The following DAZL variants were observed in gnomAD, a reference collection of about 807,000 sequenced individuals.
DAZL encodes deleted in azoospermia-like.
Under a neutral mutation model 45.0 loss-of-function variants are expected in DAZL, and 4 were observed. That is an observed-to-expected ratio of 0.09 (90% CI 0.04 to 0.20). The LOEUF (loss-of-function observed/expected upper bound fraction) is 0.20. Ranked by LOEUF, DAZL falls within the 10% of genes least tolerant of loss-of-function variation. The pLI, the probability that DAZL is intolerant of heterozygous loss-of-function variation, is 1.00. For missense variants in DAZL, 326 were observed against 351.3 expected, an observed-to-expected ratio of 0.93 and a Z score of 0.58; for synonymous variants, 122 against 112.4, an observed-to-expected ratio of 1.09 and a Z score of -0.54.
intron 10 of DAZL, among the ~76,000 whole-genome samples, chr3:16,590,726 T>C (rs1694505419): frequency 6.6e-6 from 1 of 152,132 alleles, no homozygotes; most frequent in South Asian, 2.1e-4. Flanking sequence ...TGATGAACCT[T>C]GAAAATATTA....
intron 7 of DAZL, among the ~76,000 whole-genome samples, chr3:16,594,821 A>C (rs1461034418): frequency 1.3e-5 from 2 of 152,098 alleles, no homozygotes; most frequent in Non-Finnish European, 2.9e-5. Flanking sequence ...GAAATCTCAG[A>C]GATATTAGTT....
chr3:16,589,323 T>C (rs1395395595), intron 10 of DAZL, among the ~76,000 whole-genome samples: 1 of 152,194 alleles, frequency 6.6e-6, no homozygotes, highest in Non-Finnish European at 1.5e-5. Flanking sequence ...GAAATGGGAC[T>C]AAGCAAATGA....
intron 3 of DAZL, 39 bp downstream of exon 3, chr3:16,598,048 C>T (rs778082269): frequency 1.8e-5 from 26 of 1,451,702 alleles, no homozygotes; most frequent in Admixed American, 5.1e-5. Context: ...ATACTCTATA[C>T]GTGGCTAGAG....
chr3:16,597,078 G>GA, intron 4 of DAZL, 27 bp from the exon 5 acceptor site: 1 of 1,601,066 alleles, frequency 6.2e-7, no homozygotes, highest in Non-Finnish European at 8.5e-7. Flanking sequence ...AACAAAACTA[G>GA]AATCAATTTT....
In DAZL at chr3:16,598,197, C is replaced by A; in HGVS notation, c.151-19G>T. ...CATCCATCTATGGAAAAGAATTGAA[C>A]TTCAAGAGTAAAAATTCAGCATTCA... On this transcript the variant is annotated intron_variant, in intron 2 of 10. Coordinates refer to ENST00000399444, the MANE Select transcript of DAZL (RefSeq NM_001351.4). The A allele has an allele frequency of 6.4e-7, 1 of 1,563,414 alleles. No homozygotes were observed.
chr3:16,597,236 C>A (rs1392301551), intron 4 of DAZL, among the ~76,000 whole-genome samples, 185 bp from the exon 5 acceptor site: 1 of 152,106 alleles, frequency 6.6e-6, no homozygotes, highest in East Asian at 1.9e-4. Context: ...TGTCAAGAGG[C>A]ATCAAGTGAA....
intron 6 of DAZL, among the ~76,000 whole-genome samples, chr3:16,596,489 T>A (rs887128219): frequency 6.8e-6 from 1 of 147,286 alleles, no homozygotes; most frequent in African/African-American, 2.5e-5. Context: ...ACTAGTTATA[T>A]GGGGGGAAAA....
chr3:16,595,228 G>C, intron 7 of DAZL, 86 bp downstream of exon 7: 2 of 769,828 alleles, frequency 2.6e-6, no homozygotes, highest in East Asian at 5.3e-5. Flanking sequence ...AGTTTAAAAT[G>C]ACAAACCATT....
intron 10 of DAZL, among the ~76,000 whole-genome samples, chr3:16,590,230 A>G (rs1694496686): frequency 3.3e-5 from 5 of 152,256 alleles, no homozygotes. Flanking sequence ...GAATGAAGCA[A>G]CAAGAGAACA....
intron 10 of DAZL, among the ~76,000 whole-genome samples, chr3:16,590,105 C>T (rs1382770594): frequency 3.9e-5 from 6 of 152,214 alleles, no homozygotes; most frequent in African/African-American, 1.4e-4. Flanking sequence ...CTATCTTCTG[C>T]TTTGAAAATC....
chr3:16,588,687 T>A lies in DAZL; in HGVS notation c.861A>T (p.Arg287Ser). ...AAACAGATTTAAGCATTGCCCGACT[T>A]CTTCTAAAGTGATGCACTCTTTTAT... ...FKDKRVHHFRRSRAMLKSV is the reference protein window; with the variant it reads ...FKDKRVHHFRSSRAMLKSV The change falls in exon 11 of 11, where the codon AGA becomes AGT. Residue 287 changes from arginine to serine, a missense_variant. By Grantham distance (110) the Arg-to-Ser change is moderately radical. Coordinates refer to ENST00000399444, the MANE Select transcript of DAZL (RefSeq NM_001351.4). 6.2e-7 allele frequency: 1 copy of A among 1,611,868 alleles called. No homozygotes were observed. Among genetic ancestry groups the A allele is most frequent in the Non-Finnish European group, 8.5e-7 (1 of 1,178,308 alleles).
At chr3:16,593,592 A>G in intron 9 of DAZL, 63 bp downstream of exon 9, 1 of 1,084,406 alleles carries the variant, frequency 9.2e-7, no homozygotes, top group Non-Finnish European at 1.3e-6. Flanking sequence ...GCTTCTCAAA[A>G]AACCATTATT....
intron 1 of DAZL, chr3:16,604,598 A>G: frequency 7.2e-7 from 1 of 1,389,812 alleles, no homozygotes; most frequent in Non-Finnish European, 9.3e-7. Context: ...GACGCCCCAC[A>G]CCCCACGCTG....
Position 16,598,557 on chromosome 3 carries a change from T to C in DAZL, c.45A>G (p.Arg15=). 2 of 1,602,442 alleles carry C rather than the reference T, an allele frequency of 1.2e-6. No homozygotes were observed. Among genetic ancestry groups the C allele is most frequent in the Non-Finnish European group, 1.7e-6 (2 of 1,179,100 alleles). The change falls in exon 2 of 11, where the codon AGA becomes AGG. Residue 15 remains arginine (R), a synonymous_variant. Transcript: ENST00000399444. ...NPETPNSTIS[R]EASTQSSSAA... is the part of the protein sequence containing the mutation. The stretch of plus-strand genomic sequence containing the variant: ...CTGATGAGGACTGGGTGCTGGCCTC[T>C]CTGGAGATGGTTGAGTTTGGAGTTT...
chr3:16,587,229 T>C lies in DAZL; in HGVS notation c.*1431A>G, dbSNP rs1336686865. On this transcript the variant is annotated 3_prime_UTR_variant, in exon 11 of 11. Transcript: ENST00000399444. ...GAAAATTTTAAGGAATTATAGACCC[T>C]AGGGGGCACTAGTAATATGGCTCAC... 1 of 152,076 alleles carries C rather than the reference T, an allele frequency of 6.6e-6. No individual in the cohort carries two copies. The highest frequency in any genetic ancestry group is 2.4e-5 in the African/African-American group (1 of 41,444). 9.4% of individuals were successfully genotyped at this position (152,076 alleles called of 1,614,324 possible). A position where few individuals can be genotyped will look rare whatever the true frequency, so the allele number is the denominator to read the frequency against.
chr3:16,592,386 T>C (rs1450857409), intron 9 of DAZL, among the ~76,000 whole-genome samples: 2 of 151,792 alleles, frequency 1.3e-5, no homozygotes, highest in African/African-American at 2.4e-5. Context: ...GCCAATATGG[T>C]GAAACCCCAT....
chr3:16,598,074 T>C lies in DAZL; in HGVS notation c.242+13A>G, dbSNP rs747198613. 6.4e-7 allele frequency: 1 copy of C among 1,552,716 alleles called. No individual in the cohort carries two copies. Among genetic ancestry groups the C allele is most frequent in the Middle Eastern group, 2.1e-4 (1 of 4,680 alleles). On this transcript the variant is annotated intron_variant, in intron 3 of 10. Transcript: ENST00000399444. ...GTGGCTAGAGTTCAGATATTTTTGA[T>C]AAAATTACTCACCCTTTGGACACAC...
At chr3:16,597,587 C>T in intron 3 of DAZL, 46 bp from the exon 4 acceptor site, 1 of 1,184,286 alleles carries the variant, frequency 8.4e-7, no homozygotes, top group South Asian at 1.2e-5. Context: ...TCATACAGTA[C>T]ATGGTTCAGA....
Position 16,592,168 on chromosome 3 carries a change from A to G in DAZL, c.736-20T>C, listed in dbSNP as rs776993497. The G allele has an allele frequency of 3.1e-6, 5 of 1,609,726 alleles. No individual in the cohort carries two copies. In the Admixed American group the frequency reaches 8.3e-5, roughly 27 times the overall value. On this transcript the variant is annotated intron_variant, in intron 9 of 10. Coordinates refer to ENST00000399444, the MANE Select transcript of DAZL (RefSeq NM_001351.4). ...AGATTTCTGAAACACAGAAGTTTTC[A>G]GTAATGTAAAGACGACTCTTTCACT... is the stretch of plus-strand genomic sequence containing the variant.
Sources: allele counts gnomAD v4.1 joint callset (sites outside exome capture counted in the v4.1 genomes callset), GRCh38; gene constraint gnomAD v4.1.1; transcripts MANE v1.5; gene names NCBI Gene and HGNC (gene_info 2026-07-23, HGNC 2026-07-21).